Variants in UTP18 observed in about 807,000 individuals in gnomAD.
The protein encoded by UTP18 is UTP18 small subunit processome component, also known as U3 small nucleolar RNA-associated protein 18 homolog.
In UTP18, 36 loss-of-function variants were observed where a neutral mutation model predicts 61.1. That is an observed-to-expected ratio of 0.59 (90% CI 0.45 to 0.78). The LOEUF (loss-of-function observed/expected upper bound fraction) is 0.78, where lower values mean the gene tolerates loss of function less well. Among genes scored for constraint, UTP18 ranks in the 30% least tolerant of loss-of-function variants. The pLI is 0.00. For synonymous variants in UTP18, 282 were observed against 251.1 expected (o/e 1.12, Z -1.16); for missense variants, 753 against 693.9 (o/e 1.09, Z -0.96).
intron 4 of UTP18, among the ~76,000 whole-genome samples, chr17:51,272,134 T>C (rs1431000413): frequency 1.3e-5 from 2 of 152,108 alleles, no homozygotes; most frequent in Non-Finnish European, 2.9e-5. Flanking sequence ...AGTCTTATTC[T>C]GTTGCCCAGG....
At chr17:51,275,596 A>C (rs1904691817) in intron 5 of UTP18, among the ~76,000 whole-genome samples, 1 of 152,250 alleles carries the variant, frequency 6.6e-6, no homozygotes, top group South Asian at 2.1e-4. Context: ...TAATACATTC[A>C]GACTTCTAGA....
intron 11 of UTP18, among the ~76,000 whole-genome samples, chr17:51,293,134 A>G (rs17575641): frequency 0.17 from 25,176 of 152,156 alleles, 2,347 homozygotes; most frequent in Admixed American, 0.24. Flanking sequence ...AGATTTTAGT[A>G]TTCTTTACTG....
At chr17:51,294,334 T>A (rs951731401) in intron 12 of UTP18, among the ~76,000 whole-genome samples, 3 of 149,732 alleles carry the variant, frequency 2.0e-5, no homozygotes, top group Non-Finnish European at 4.4e-5. Flanking sequence ...TATCTCCTAA[T>A]GCTATCCCTC....
At chr17:51,285,421 T>C in intron 10 of UTP18, 53 bp downstream of exon 10, 1 of 1,585,740 alleles carries the variant, frequency 6.3e-7, no homozygotes, top group Non-Finnish European at 8.6e-7. Context: ...AATGAGAATA[T>C]GTTGAGGAAT....
intron 2 of UTP18, among the ~76,000 whole-genome samples, chr17:51,265,490 C>T (rs994647215): frequency 1.9e-4 from 29 of 149,774 alleles, no homozygotes; most frequent in Admixed American, 4.7e-4. Context: ...CTCGAGCTCC[C>T]GACCTTCAGT....
intron 10 of UTP18, among the ~76,000 whole-genome samples, chr17:51,287,227 C>T (rs1406508379): frequency 6.6e-6 from 1 of 152,038 alleles, no homozygotes; most frequent in African/African-American, 2.4e-5. Flanking sequence ...TTTTAATTGC[C>T]CTTCAGTGTA....
chr17:51,283,186 T>TC (rs1470109554), intron 9 of UTP18, among the ~76,000 whole-genome samples: 2 of 150,854 alleles, frequency 1.3e-5, no homozygotes, highest in Non-Finnish European at 3.0e-5. Flanking sequence ...TTTTTTTTTT[T>TC]CAGACTGAGT....
chr17:51,293,878 T>C (rs760004619), intron 11 of UTP18, 25 bp from the exon 12 acceptor site: 12 of 1,506,586 alleles, frequency 8.0e-6, no homozygotes, highest in South Asian at 1.4e-5. Context: ...TGTTACACTT[T>C]AAAGTTTTTT....
chr17:51,273,390 G>C lies in UTP18; in HGVS notation c.651G>C (p.Leu217Phe). ...AAAGTGAAGAGGATGAAGATGATTT[G>C]TTGCAAAGGACTGGGAATTTCATAT... Reference protein sequence around the residue: ...DDESEEDEDDLLQRTGNFIST... With the variant: ...DDESEEDEDDFLQRTGNFIST... Residue 217 changes from leucine to phenylalanine, a missense_variant, in exon 5 of 14, where the codon TTG becomes TTC. Physicochemically the swap from Leu to Phe is conservative, Grantham distance 22 (BLOSUM62 0). Coordinates refer to ENST00000225298, the MANE Select transcript of UTP18 (RefSeq NM_016001.3). 3 of 1,610,524 alleles carry C rather than the reference G, an allele frequency of 1.9e-6. No individual in the cohort carries two copies. Among genetic ancestry groups the C allele is most frequent in the Non-Finnish European group, 1.7e-6 (2 of 1,178,412 alleles).
In UTP18 at chr17:51,297,017, T is replaced by A; in HGVS notation, c.*14+14T>A. On this transcript the variant is annotated intron_variant, in intron 13 of 13. Coordinates refer to ENST00000225298, the MANE Select transcript of UTP18 (RefSeq NM_016001.3). The stretch of plus-strand genomic sequence containing the variant: ...AGACTATTTGAAGTAAGAAAACCCT[T>A]TTCTTACAAATTCTGCAGGTTTTAA... The A allele has an allele frequency of 1.9e-6, 3 of 1,602,348 alleles. No individual in the cohort carries two copies. Among genetic ancestry groups the A allele is most frequent in the Non-Finnish European group, 2.6e-6 (3 of 1,175,006 alleles).
chr17:51,285,200 G>A (rs777989968), intron 9 of UTP18, 45 bp from the exon 10 acceptor site: 4 of 1,608,670 alleles, frequency 2.5e-6, no homozygotes, highest in Non-Finnish European at 3.4e-6. Flanking sequence ...TGCCTTTCAA[G>A]TTTAAAGCAA....
At chr17:51,262,971 T>G (rs2055522536) in intron 1 of UTP18, among the ~76,000 whole-genome samples, 1 of 152,252 alleles carries the variant, frequency 6.6e-6, no homozygotes, top group African/African-American at 2.4e-5. Context: ...TTCTCCTCCT[T>G]TTTTCATCTG....
At chr17:51,280,903 C>T (rs1904892952) in intron 9 of UTP18, among the ~76,000 whole-genome samples, 1 of 151,850 alleles carries the variant, frequency 6.6e-6, no homozygotes, top group African/African-American at 2.4e-5. Context: ...TAGGACCAGG[C>T]GCGGTAGCTT....
intron 2 of UTP18, among the ~76,000 whole-genome samples, chr17:51,265,210 CAG>C (rs945303902): frequency 6.6e-5 from 10 of 151,208 alleles, no homozygotes; most frequent in Admixed American, 1.3e-4. Context: ...AAGTAGTTAA[CAG>C]AGAGAGACAA....
intron 9 of UTP18, among the ~76,000 whole-genome samples, chr17:51,281,723 G>C (rs1019554267): frequency 1.4e-4 from 22 of 152,234 alleles, no homozygotes; most frequent in African/African-American, 1.9e-4. Context: ...GTTAACATTG[G>C]GGGGGAACTG....
intron 7 of UTP18, among the ~76,000 whole-genome samples, chr17:51,279,628 A>G (rs1485744895): frequency 6.6e-6 from 1 of 152,014 alleles, no homozygotes; most frequent in African/African-American, 2.4e-5. Flanking sequence ...GTGGCAGTGT[A>G]TTTCCCTTCT....
intron 5 of UTP18, among the ~76,000 whole-genome samples, chr17:51,274,311 A>G (rs1050963149): frequency 3.0e-4 from 45 of 152,188 alleles, no homozygotes; most frequent in African/African-American, 1.0e-3. Flanking sequence ...TATGTCTAGC[A>G]TGTTCATTAT....
chr17:51,273,568 C>A (rs1274431506), intron 5 of UTP18, 118 bp downstream of exon 5: 11 of 639,440 alleles, frequency 1.7e-5, no homozygotes, highest in Admixed American at 3.3e-5. Flanking sequence ...TGTTTGCTGT[C>A]ATTTTGCCCT....
intron 11 of UTP18, 127 bp downstream of exon 11, chr17:51,288,330 T>C: frequency 1.0e-6 from 1 of 982,050 alleles, no homozygotes; most frequent in Non-Finnish European, 1.5e-6. Context: ...ATAGGAATTA[T>C]TAGTATTGTA....
Sources: allele counts gnomAD v4.1 joint callset (sites outside exome capture counted in the v4.1 genomes callset), GRCh38; gene constraint gnomAD v4.1.1; transcripts MANE v1.5; gene names NCBI Gene and HGNC (gene_info 2026-07-23, HGNC 2026-07-21).